The following ADGRL2 variants were observed in gnomAD, a reference collection of about 807,000 sequenced individuals.
ADGRL2 encodes adhesion G protein-coupled receptor L2, also known as calcium-independent alpha-latrotoxin receptor 2.
In ADGRL2, 44 loss-of-function variants were observed where a neutral mutation model predicts 157.4. That is an observed-to-expected ratio of 0.28 (90% confidence interval 0.22 to 0.36). ADGRL2 has a LOEUF of 0.36. Among genes scored for constraint, ADGRL2 ranks in the 10% least tolerant of loss-of-function variants. The pLI is 1.00. For synonymous variants in ADGRL2, 585 were observed against 624.7 expected, an observed-to-expected ratio of 0.94 and a Z score of 0.95; for missense variants, 1,510 against 1,768.9, an observed-to-expected ratio of 0.85 and a Z score of 2.63.
intron 2 of ADGRL2, among the ~76,000 whole-genome samples, chr1:81,519,160 A>G (rs1400267480): frequency 1.3e-5 from 2 of 152,240 alleles, no homozygotes; most frequent in African/African-American, 4.8e-5. Flanking sequence ...GACAAATTCA[A>G]TGCACTTTCT....
intron 15 of ADGRL2, 82 bp from the exon 16 acceptor site, chr1:81,970,232 T>G (rs538746373): frequency 1.1e-6 from 1 of 875,154 alleles, no homozygotes; most frequent in South Asian, 1.4e-5. Context: ...GTGATTTCTC[T>G]TAGTGAGTAT....
chr1:81,506,966 G>T (rs1350137912), intron 2 of ADGRL2, among the ~76,000 whole-genome samples: 1 of 152,062 alleles, frequency 6.6e-6, no homozygotes, highest in South Asian at 2.1e-4. Flanking sequence ...CAGCAGTGAA[G>T]AAAACAAAAC....
rs112160888 is a variant in ADGRL2 at position 81,652,847 on chromosome 1, C to T, written c.-143+71867C>T. On this transcript the variant is annotated intron_variant, in intron 3 of 24. Coordinates refer to the ADGRL2 transcript ENST00000370721. ...GGGTGATTTATTACTTAATGGACAT[C>T]CTTGAATAATATGGCTTAGTTTTGC... Among the ~76,000 whole-genome samples, 1,131 of 152,256 alleles carry T rather than the reference C, an allele frequency of 7.4e-3. 11 individuals carry two copies. The highest frequency in any genetic ancestry group is 0.026 in the African/African-American group (1,075 of 41,560).
At chr1:81,987,160 T>A (rs2149503538) in intron 22 of ADGRL2, 131 bp downstream of exon 22, 2 of 1,338,890 alleles carry the variant, frequency 1.5e-6, no homozygotes, top group Non-Finnish European at 1.0e-6. Flanking sequence ...TTAAAAAAAA[T>A]TACGGTATTG....
At chr1:81,655,410 G>A (rs58116956) in intron 3 of ADGRL2, among the ~76,000 whole-genome samples, 8,775 of 152,130 alleles carry the variant, frequency 0.058, 282 homozygotes, top group Admixed American at 0.081. Flanking sequence ...ATGAGTGTGG[G>A]AATGGGAATT....
At chr1:81,384,658 GT>G (rs1472919676) in intron 1 of ADGRL2, among the ~76,000 whole-genome samples, 4 of 152,084 alleles carry the variant, frequency 2.6e-5, no homozygotes, top group African/African-American at 9.7e-5. Context: ...TACATCATGT[GT>G]TTTTAAGGAA....
intron 11 of ADGRL2, among the ~76,000 whole-genome samples, chr1:81,961,710 A>G (rs1655460445): frequency 1.3e-5 from 2 of 151,756 alleles, no homozygotes; most frequent in South Asian, 2.1e-4. Flanking sequence ...GGGTTTCACC[A>G]TTTTGGCCAG....
intron 3 of ADGRL2, among the ~76,000 whole-genome samples, chr1:81,642,200 T>G (rs1440911432): frequency 1.4e-5 from 2 of 148,096 alleles, no homozygotes; most frequent in Non-Finnish European, 3.0e-5. Flanking sequence ...GTGAGCTGAA[T>G]TTGTACCACT....
chr1:81,443,762 T>A (rs892164581), intron 1 of ADGRL2, among the ~76,000 whole-genome samples: 2 of 152,230 alleles, frequency 1.3e-5, no homozygotes, highest in Non-Finnish European at 2.9e-5. Flanking sequence ...TAAGTTAGTA[T>A]TTTATTGCTT....
At chr1:81,491,613 A>G (rs2147952851) in intron 2 of ADGRL2, among the ~76,000 whole-genome samples, 1 of 152,340 alleles carries the variant, frequency 6.6e-6, no homozygotes, top group South Asian at 2.1e-4. Context: ...AGAACCAAAG[A>G]TGACAGAAAG....
At chr1:81,314,545 G>T (rs988675117) in intron 1 of ADGRL2, among the ~76,000 whole-genome samples, 5 of 152,094 alleles carry the variant, frequency 3.3e-5, no homozygotes, top group African/African-American at 7.2e-5. Flanking sequence ...AGAATCAGGA[G>T]GTAGGTCTGG....
chr1:81,908,254 T>C (rs1557888485), intron 3 of ADGRL2, among the ~76,000 whole-genome samples: 1 of 152,166 alleles, frequency 6.6e-6, no homozygotes, highest in Non-Finnish European at 1.5e-5. Context: ...TCCCAGAAAG[T>C]ATCCCTTTGT....
intron 2 of ADGRL2, among the ~76,000 whole-genome samples, chr1:81,567,394 C>T (rs1197456006): frequency 6.6e-6 from 1 of 152,050 alleles, no homozygotes; most frequent in Non-Finnish European, 1.5e-5. Context: ...TTATATTGTA[C>T]AGCACTGAAT....
At chr1:81,441,780 C>T (rs906884848) in intron 1 of ADGRL2, among the ~76,000 whole-genome samples, 4 of 152,136 alleles carry the variant, frequency 2.6e-5, no homozygotes, top group Non-Finnish European at 4.4e-5. Context: ...CCTCATGATC[C>T]GCCCGCCTTG....
At chr1:81,375,317 A>G (rs1209659228) in intron 1 of ADGRL2, among the ~76,000 whole-genome samples, 1 of 152,200 alleles carries the variant, frequency 6.6e-6, no homozygotes, top group East Asian at 1.9e-4. Context: ...TTTGCCATTC[A>G]AAAGCCAGAA....
At chr1:81,937,677 G>A (rs927731149) in intron 4 of ADGRL2, among the ~76,000 whole-genome samples, 3 of 151,684 alleles carry the variant, frequency 2.0e-5, no homozygotes, top group Non-Finnish European at 4.4e-5. Context: ...ATGTCATTTA[G>A]TCATGTTAGT....
At chr1:81,403,275 T>C (rs1163891905) in intron 1 of ADGRL2, among the ~76,000 whole-genome samples, 4 of 152,216 alleles carry the variant, frequency 2.6e-5, no homozygotes, top group Middle Eastern at 3.4e-3. Flanking sequence ...GTTTTGTTTT[T>C]TGTTTTTGAG....
intron 13 of ADGRL2, 34 bp downstream of exon 13, chr1:81,966,643 G>A (rs1206081717): frequency 1.3e-6 from 2 of 1,589,110 alleles, no homozygotes; most frequent in South Asian, 2.2e-5. Flanking sequence ...GTAATGGAAG[G>A]TTATAAAAGC....
intron 1 of ADGRL2, among the ~76,000 whole-genome samples, chr1:81,702,787 T>C (rs2083614774): frequency 6.6e-6 from 1 of 152,198 alleles, no homozygotes; most frequent in Non-Finnish European, 1.5e-5. Flanking sequence ...TAAGGGCTTT[T>C]GCCTATAAGA....
Sources: allele counts gnomAD v4.1 joint callset (sites outside exome capture counted in the v4.1 genomes callset), GRCh38; gene constraint gnomAD v4.1.1; transcripts MANE v1.5; gene names NCBI Gene and HGNC (gene_info 2026-07-23, HGNC 2026-07-21).